Variants in DNAH10 observed in about 807,000 individuals in gnomAD.
The protein encoded by DNAH10 is dynein axonemal heavy chain 10.
DNAH10 carries 348 observed loss-of-function variants against 506.6 expected under a neutral mutation model. That is an observed-to-expected ratio of 0.69 (90% CI 0.63 to 0.75). The LOEUF (loss-of-function observed/expected upper bound fraction) is 0.75. Ranked by LOEUF, DNAH10 falls within the 30% of genes least tolerant of loss-of-function variation. The pLI, the probability that DNAH10 is intolerant of heterozygous loss-of-function variation, is 0.00. For synonymous variants in DNAH10, 2,059 were observed against 2,198.6 expected, an observed-to-expected ratio of 0.94 and a Z score of 1.78; for missense variants, 5,179 against 5,787.1, an observed-to-expected ratio of 0.89 and a Z score of 3.41.
At chr12:123,816,667 C>T (rs762882313) in intron 21 of DNAH10, among the ~76,000 whole-genome samples, 11 of 152,284 alleles carry the variant, frequency 7.2e-5, no homozygotes, top group South Asian at 2.1e-4. Flanking sequence ...GTGAAGGAGA[C>T]GTGTGTGGGG....
intron 50 of DNAH10, among the ~76,000 whole-genome samples, chr12:123,880,487 A>G (rs923158730): frequency 6.6e-6 from 1 of 151,804 alleles, no homozygotes; most frequent in Admixed American, 6.6e-5. Context: ...CTATGGGCAC[A>G]CATCACCGTG....
chr12:123,869,676 C>A (rs1951948791), intron 43 of DNAH10, among the ~76,000 whole-genome samples: 2 of 152,202 alleles, frequency 1.3e-5, no homozygotes. Flanking sequence ...AGGCCACCCC[C>A]ACTGCACCCC....
rs748795319 is a variant in DNAH10 at position 123,806,067 on chromosome 12, C to T, written c.2987+1027C>T. On this transcript the variant is annotated intron_variant, in intron 18 of 78. Coordinates refer to ENST00000673944, the MANE Select transcript of DNAH10 (RefSeq NM_001372106.1). ...CTGGGATTACAGGCGTGAGCCACTG[C>T]GCCCGGCCACCCCGCCTGACATTTT... Among the ~76,000 whole-genome samples, 5 of 152,274 alleles carry T rather than the reference C, an allele frequency of 3.3e-5. 1 individual carries two copies. The highest frequency in any genetic ancestry group is 6.8e-3 in the Middle Eastern group (2 of 292).
rs1384389019 is a variant in DNAH10, at chr12:123,799,299, A to C, written c.2217A>C (p.Arg739Ser). Reference sequence around the variant, plus strand: ...GGACAATGAAGGAGTATGAAGACAGAAAGTATGAGCAGTGGATGGAGGTGA... The same window carrying C: ...GGACAATGAAGGAGTATGAAGACAGCAAGTATGAGCAGTGGATGGAGGTGA... ...VGRTMKEYED[R>S]KYEQWMEVTE... Residue 739 changes from arginine to serine, a missense_variant, in exon 14 of 79, where the codon AGA becomes AGC. Physicochemically the swap from Arg to Ser is moderately radical, Grantham distance 110. Coordinates refer to ENST00000673944, the MANE Select transcript of DNAH10 (RefSeq NM_001372106.1). 1.9e-6 allele frequency: 3 copies of C among 1,613,946 alleles called. No individual in the cohort carries two copies. Among genetic ancestry groups the C allele is most frequent in the Non-Finnish European group, 2.5e-6 (3 of 1,179,880 alleles).
chr12:123,887,086 G>C (rs535848874), intron 51 of DNAH10, 56 bp from the exon 52 acceptor site: 2 of 1,526,080 alleles, frequency 1.3e-6, no homozygotes, highest in Non-Finnish European at 1.8e-6. Flanking sequence ...CCCGGAGCCC[G>C]CAGGGAAGGG....
chr12:123,822,720 G>A (rs1409760490), intron 24 of DNAH10, among the ~76,000 whole-genome samples: 1 of 152,238 alleles, frequency 6.6e-6, no homozygotes, highest in Non-Finnish European at 1.5e-5. Flanking sequence ...CAGTTGGCAA[G>A]CTAGAGACCC....
At chr12:123,934,865 G>C in intron 78 of DNAH10, 99 bp downstream of exon 78, 1 of 1,478,538 alleles carries the variant, frequency 6.8e-7, no homozygotes. Context: ...TTTTAAAACA[G>C]GGGTGCCTAA....
At chr12:123,859,383 G>A (rs1951528179) in intron 38 of DNAH10, 115 bp downstream of exon 38, 1 of 769,340 alleles carries the variant, frequency 1.3e-6, no homozygotes, top group Admixed American at 4.0e-5. Context: ...GGGTAAATTT[G>A]TAATACACAC....
At chr12:123,833,399 C>A in intron 27 of DNAH10, 52 bp downstream of exon 27, 1 of 1,398,514 alleles carries the variant, frequency 7.2e-7, no homozygotes, top group East Asian at 2.4e-5. Context: ...ATAGCAGTGG[C>A]TTTTATATGA....
At chr12:123,767,760 C>A in intron 2 of DNAH10, 71 bp downstream of exon 2, 2 of 1,298,746 alleles carry the variant, frequency 1.5e-6, no homozygotes, top group South Asian at 1.3e-5. Context: ...TAGGGTGCTG[C>A]CTGCCGTGCC....
intron 54 of DNAH10, among the ~76,000 whole-genome samples, chr12:123,897,341 A>T (rs1270760266): frequency 2.0e-5 from 3 of 152,150 alleles, no homozygotes; most frequent in African/African-American, 7.2e-5. Flanking sequence ...CCTGCTTTTC[A>T]GTTCTTTGGG....
chr12:123,849,205 T>G (rs1038908522), intron 34 of DNAH10, among the ~76,000 whole-genome samples: 3 of 152,172 alleles, frequency 2.0e-5, no homozygotes, highest in Non-Finnish European at 2.9e-5. Flanking sequence ...CTTCCCAAGT[T>G]TGAGAAAACC....
At chr12:123,868,264 A>C in intron 43 of DNAH10, 145 bp downstream of exon 43, 2 of 749,170 alleles carry the variant, frequency 2.7e-6, no homozygotes, top group Non-Finnish European at 4.3e-6. Context: ...TGGTCAGAGC[A>C]CATGGCGGAA....
In DNAH10 at chr12:123,914,393, T is replaced by C. The variant is rs1594369664; in HGVS notation, c.10417T>C (p.Cys3473Arg). Residue 3473 changes from cysteine (C) to arginine (R), a missense_variant, in exon 61 of 79, where the codon TGC becomes CGC. Coordinates refer to ENST00000673944, the MANE Select transcript of DNAH10 (RefSeq NM_001372106.1). ...RVKLLGDCLL[C>R]AAFLSYEGAF... ...GAAGCTGCTGGGGGACTGCCTGCTC[T>C]GCGCGGCTTTCCTCAGCTACGAGGG... The C allele has an allele frequency of 3.0e-5, 49 of 1,613,600 alleles. No individual in the cohort carries two copies. Among genetic ancestry groups the C allele is most frequent in the Non-Finnish European group, 3.6e-5 (43 of 1,179,888 alleles).
rs187498676 is a variant in DNAH10 at position 123,794,730 on chromosome 12, C to T, written c.1986+618C>T. The stretch of plus-strand genomic sequence containing the variant: ...GTGTGGTGGCGCACACCTATGGTCT[C>T]AGCTACTTGGGAGGCAGAGGTGGGA... On this transcript the variant is annotated intron_variant, in intron 12 of 78. Coordinates refer to ENST00000673944, the MANE Select transcript of DNAH10 (RefSeq NM_001372106.1). Among the ~76,000 whole-genome samples the T allele has an allele frequency of 1.9e-3, 286 of 151,830 alleles. 2 individuals are homozygous for T. The highest frequency in any genetic ancestry group is 2.8e-3 in the Non-Finnish European group (190 of 67,970).
At chr12:123,820,841 A>G (rs1373268318) in intron 24 of DNAH10, 83 bp downstream of exon 24, 2 of 1,469,494 alleles carry the variant, frequency 1.4e-6, no homozygotes, top group African/African-American at 1.4e-5. Flanking sequence ...CTTTGATGCC[A>G]CCATAATAAT....
At chr12:123,838,079 C>T (rs936475187) in intron 28 of DNAH10, among the ~76,000 whole-genome samples, 2 of 152,144 alleles carry the variant, frequency 1.3e-5, no homozygotes, top group Non-Finnish European at 2.9e-5. Context: ...AAATTGCTCA[C>T]AGTGGAATTG....
chr12:123,931,352 G>A lies in DNAH10; in HGVS notation c.12796G>A (p.Ala4266Thr). 6.2e-7 allele frequency: 1 copy of A among 1,613,722 alleles called. No individual in the cohort carries two copies. The highest frequency in any genetic ancestry group is 2.2e-5 in the East Asian group (1 of 44,890). ...EKEKFVEAIE[A>T]LPLANTPEVF... ...CTCTGTGATTGCAGAAGCCATCGAGGCCCTCCCGCTTGCCAACACGCCAGA... is the reference window on the plus strand; with the variant it reads ...CTCTGTGATTGCAGAAGCCATCGAGACCCTCCCGCTTGCCAACACGCCAGA... Residue 4266 changes from alanine (A) to threonine (T), a missense_variant, in exon 74 of 79, where the codon GCC becomes ACC. Ala to Thr is a moderately conservative substitution (Grantham distance 58, BLOSUM62 0). Around this residue, in one of 3 missense-constraint regions of DNAH10, gnomAD observed 4,844 missense variants for 5,430.5 expected, o/e 0.89. Transcript: ENST00000673944.
At chr12:123,816,988 T>TA (rs374632255) in intron 21 of DNAH10, among the ~76,000 whole-genome samples, 2 of 152,226 alleles carry the variant, frequency 1.3e-5, no homozygotes, top group African/African-American at 4.8e-5. Context: ...GGGTTTTTTT[T>TA]ATCCCTTCTA....
Sources: allele counts gnomAD v4.1 joint callset (sites outside exome capture counted in the v4.1 genomes callset), GRCh38; gene constraint gnomAD v4.1.1; regional missense constraint gnomAD v4.1.1; transcripts MANE v1.5; gene names NCBI Gene and HGNC (gene_info 2026-07-23, HGNC 2026-07-21).